UBA1: variants seen among roughly 807,000 people sequenced by gnomAD.
UBA1 encodes the protein ubiquitin-like modifier-activating enzyme 1.
Under a neutral mutation model 84.7 loss-of-function variants are expected in UBA1, and 4 were observed. That is an observed-to-expected ratio of 0.05 (90% CI 0.02 to 0.11). The LOEUF is 0.11. Ranked by LOEUF, UBA1 falls within the 10% of genes least tolerant of loss-of-function variation. The pLI is 1.00. For synonymous variants in UBA1, 364 were observed against 362.6 expected, an observed-to-expected ratio of 1.00 and a Z score of -0.04; for missense variants, 513 against 902.8, an observed-to-expected ratio of 0.57 and a Z score of 5.53.
chrX:47,208,139 T>TTG (rs781889128), intron 16 of UBA1, among the ~76,000 whole-genome samples: 3 of 112,727 alleles, frequency 2.7e-5, no homozygotes, highest in Non-Finnish European at 5.6e-5. Flanking sequence ...TCCTAGGAAT[T>TTG]CTCAGAGGCC....
At chrX:47,203,437 A>G in intron 13 of UBA1, 104 bp from the exon 14 acceptor site, 1 of 1,014,831 alleles carries the variant, frequency 9.9e-7, no homozygotes, top group Non-Finnish European at 1.4e-6. Context: ...ATGTGGTGTT[A>G]GCCCCTCTCC....
At chrX:47,202,530 C>G in intron 10 of UBA1, 26 bp downstream of exon 10, 1 of 1,203,793 alleles carries the variant, frequency 8.3e-7, no homozygotes, top group Non-Finnish European at 1.1e-6. Flanking sequence ...AGCCAGCCAG[C>G]GCAGACATGC....
At position 47,199,363 on chromosome X, in the gene UBA1, G is replaced by A; in HGVS notation, c.331G>A (p.Asp111Asn). The change falls in exon 4 of 26, where the codon GAT (aspartate) becomes AAT (asparagine). Residue 111 changes from aspartate (D) to asparagine (N), a missense_variant. Around this residue, in one of 6 missense-constraint regions of UBA1, gnomAD observed 227 missense variants for 339.1 expected, o/e 0.67. Coordinates refer to ENST00000335972, the MANE Select transcript of UBA1 (RefSeq NM_003334.4). ...TGACCAGGGCACTGCCCAGTGGGCT[G>A]ATCTTTCCTCCCAGGTACCTCTTCC... ...LHDQGTAQWA[D>N]LSSQFYLREE... 8.2e-7 allele frequency: 1 copy of A among 1,212,151 alleles called. No homozygotes were observed.
upstream of UBA1, among the ~76,000 whole-genome samples, chrX:47,192,067 A>G (rs1481733449): frequency 8.9e-6 from 1 of 112,130 alleles, no homozygotes; most frequent in Non-Finnish European, 1.9e-5. Flanking sequence ...TACTTAGCGC[A>G]TTTAATCTTC....
In UBA1 at chrX:47,201,428, G is replaced by A. The variant is rs368365588; in HGVS notation, c.679-50G>A. ...TGGGCTGCAGTAGTCCTTCCTGTCT[G>A]CTCTTGGTACCCTGGGCCTGTTTCT... is the stretch of plus-strand genomic sequence containing the variant. On this transcript the variant is annotated intron_variant, in intron 7 of 25. Transcript: ENST00000335972. The A allele has an allele frequency of 3.6e-5, 43 of 1,209,903 alleles. No individual in the cohort carries two copies. The African/African-American group carries it at 5.4e-4, about 15-fold the overall frequency.
At chrX:47,210,183 A>G in intron 18 of UBA1, 60 bp downstream of exon 18, 1 of 1,159,549 alleles carries the variant, frequency 8.6e-7, no homozygotes, top group South Asian at 1.8e-5. Flanking sequence ...GGGAGCCTGC[A>G]GTGTGGGTCC....
upstream of UBA1, among the ~76,000 whole-genome samples, chrX:47,193,383 C>T (rs1936096586): frequency 9.0e-6 from 1 of 111,477 alleles, no homozygotes; most frequent in Non-Finnish European, 1.9e-5. Context: ...GGGCCTCATG[C>T]ATTATTCATG....
At chrX:47,212,540 G>C in intron 21 of UBA1, 28 bp downstream of exon 21, 1 of 1,145,169 alleles carries the variant, frequency 8.7e-7, no homozygotes, top group Non-Finnish European at 1.2e-6. Context: ...GGACAGGGAA[G>C]GAGGATGGGC....
intron 8 of UBA1, 81 bp from the exon 9 acceptor site, chrX:47,202,075 G>A: frequency 1.2e-6 from 1 of 817,941 alleles, no homozygotes; most frequent in Non-Finnish European, 1.8e-6. Context: ...CTGAGTCGGG[G>A]CAGGAGGTTC....
intron 10 of UBA1, 64 bp from the exon 11 acceptor site, chrX:47,202,574 G>A (rs1936458994): frequency 6.6e-6 from 8 of 1,206,193 alleles, no homozygotes; most frequent in South Asian, 1.8e-5. Context: ...CTCTCTGCGT[G>A]TCCACACTCC....
At position 47,214,911 on chromosome X, in the gene UBA1, C is replaced by T. The variant is rs781870932; in HGVS notation, c.3159C>T (p.Val1053=). ...GCGAGGATGTCGAGGTTCCCTATGT[C>T]CGATACACCATCCGCTGACCCCGTC... ...ESGEDVEVPY[V]RYTIR Residue 1053 remains valine, a synonymous_variant, in exon 26 of 26, where the codon GTC becomes GTT. Transcript: ENST00000335972. 5.0e-6 allele frequency: 6 copies of T among 1,211,070 alleles called. No homozygotes were observed. The highest frequency in any genetic ancestry group is 1.1e-6 in the Non-Finnish European group (1 of 895,534).
At chrX:47,198,558 G>A (rs937990555) in intron 1 of UBA1, among the ~76,000 whole-genome samples, 2 of 111,578 alleles carry the variant, frequency 1.8e-5, no homozygotes, top group African/African-American at 6.5e-5. Context: ...ATGCTGGGCT[G>A]GGAAGAAGCA....
chrX:47,205,148 T>C, intron 14 of UBA1: 1 of 200,864 alleles, frequency 5.0e-6, no homozygotes, highest in South Asian at 6.8e-5. Flanking sequence ...CCCTCTGCTG[T>C]GGAAGAGCCT....
intron 25 of UBA1, 70 bp from the exon 26 acceptor site, chrX:47,214,724 C>T: frequency 8.3e-7 from 1 of 1,200,052 alleles, no homozygotes; most frequent in South Asian, 1.8e-5. Context: ...GTTCACTGCC[C>T]CTACCTACCT....
intron 1 of UBA1, among the ~76,000 whole-genome samples, chrX:47,196,555 G>C (rs1172233225): frequency 1.8e-5 from 2 of 111,242 alleles, no homozygotes; most frequent in Non-Finnish European, 1.9e-5. Flanking sequence ...CAAATGTTGA[G>C]GTAGGAAGGG....
chrX:47,202,439 A>G lies in UBA1; in HGVS notation c.991A>G (p.Ile331Val), dbSNP rs1289141866. The G allele has an allele frequency of 5.0e-6, 6 of 1,207,204 alleles. No individual in the cohort carries two copies. The highest frequency in any genetic ancestry group is 6.7e-6 in the Non-Finnish European group (6 of 893,576). Residue 331 changes from isoleucine to valine, a missense_variant, in exon 10 of 26, where the codon ATT (isoleucine) becomes GTT (valine). Coordinates refer to ENST00000335972, the MANE Select transcript of UBA1 (RefSeq NM_003334.4). ...AKFSRPAQLH[I>V]GFQALHQFCA... is the part of the protein sequence containing the mutation. ...GTTTTCTCGCCCTGCCCAGCTGCACATTGGCTTCCAGGCCCTGCACCAGTT... is the reference window on the plus strand; with the variant it reads ...GTTTTCTCGCCCTGCCCAGCTGCACGTTGGCTTCCAGGCCCTGCACCAGTT...
In UBA1 at chrX:47,205,974, A is replaced by G; in HGVS notation, c.1602A>G (p.Ala534=). The change falls in exon 15 of 26, where the codon GCA becomes GCG. Residue 534 remains alanine (A), a synonymous_variant. Coordinates refer to ENST00000335972, the MANE Select transcript of UBA1 (RefSeq NM_003334.4). The part of the protein sequence containing the change: ...VTKLKSDTAA[A]AVRQMNPHIR... ...AGTTAAAGTCTGACACGGCTGCTGC[A>G]GCTGTGCGCCAAATGAATCCACATA... 8.3e-7 allele frequency: 1 copy of G among 1,204,708 alleles called. No individual in the cohort carries two copies. The highest frequency in any genetic ancestry group is 1.1e-6 in the Non-Finnish European group (1 of 891,804).
At chrX:47,211,305 C>T in intron 20 of UBA1, 80 bp downstream of exon 20, 2 of 1,056,099 alleles carry the variant, frequency 1.9e-6, no homozygotes, top group Non-Finnish European at 2.6e-6. Flanking sequence ...GTCCTCTACC[C>T]CTGGTTCTGC....
chrX:47,206,773 C>T (rs1936694631), intron 16 of UBA1: 2 of 310,664 alleles, frequency 6.4e-6, no homozygotes, highest in African/African-American at 2.7e-5. Context: ...GATTTTTCTT[C>T]TTTGTGCTTA....
Sources: gnomAD v4.1 joint callset for allele counts (sites outside exome capture counted in the v4.1 genomes callset) on GRCh38, gnomAD v4.1.1 for gene constraint, gnomAD v4.1.1 regional missense constraint, MANE v1.5 for transcripts, NCBI Gene and HGNC (gene_info 2026-07-23, HGNC 2026-07-21) for gene names.